Variants in NALF1 observed in about 807,000 individuals in gnomAD.
The protein encoded by NALF1 is family with sequence similarity 155 member A.
In NALF1, 3 loss-of-function variants were observed where a neutral mutation model predicts 48.4. The ratio of observed to expected loss-of-function variants is 0.06; its 90% CI spans 0.03 to 0.16. The LOEUF (loss-of-function observed/expected upper bound fraction) is 0.16, where lower values mean the gene tolerates loss of function less well. Ranked by LOEUF, NALF1 falls within the 10% of genes least tolerant of loss-of-function variation. The pLI is 1.00. For missense variants in NALF1, 526 were observed against 571.5 expected (o/e 0.92, Z 0.81); for synonymous variants, 262 against 245.7 (o/e 1.07, Z -0.62).
At chr13:107,725,432 G>A (rs1320033413) in intron 1 of NALF1, among the ~76,000 whole-genome samples, 1 of 152,242 alleles carries the variant, frequency 6.6e-6, no homozygotes. Context: ...GTAGGGCTGG[G>A]CGCAGTGGCT....
At chr13:107,703,957 T>C (rs576271805) in intron 1 of NALF1, among the ~76,000 whole-genome samples, 2 of 151,964 alleles carry the variant, frequency 1.3e-5, no homozygotes, top group Non-Finnish European at 2.9e-5. Context: ...GTTTTGGTTC[T>C]TTTTTTCCTC....
Position 107,745,667 on chromosome 13 carries a change from G to A in NALF1, c.915+120015C>T, listed in dbSNP as rs187197061. Among the ~76,000 whole-genome samples the A allele has an allele frequency of 1.3e-4, 20 of 152,248 alleles. No individual in the cohort carries two copies. The East Asian group carries it at 3.9e-3, about 30-fold the overall frequency. ...ATTGTTTATTACTGCCAGCAAGGCA[G>A]AGCAATACCATAGATCCAGGGTGAT... On this transcript the variant is annotated intron_variant, in intron 1 of 2. Transcript: ENST00000375915.
At chr13:107,407,974 A>T (rs1267570133) in intron 1 of NALF1, among the ~76,000 whole-genome samples, 1 of 152,124 alleles carries the variant, frequency 6.6e-6, no homozygotes, top group Non-Finnish European at 1.5e-5. Flanking sequence ...ACTGGATGAC[A>T]TTAAGTTAAA....
intron 1 of NALF1, among the ~76,000 whole-genome samples, chr13:107,726,462 C>T (rs1430385563): frequency 1.3e-5 from 2 of 152,052 alleles, no homozygotes; most frequent in African/African-American, 4.8e-5. Flanking sequence ...ACACTAGATA[C>T]ATGATACTAA....
rs1880747380 is a variant in NALF1 at position 107,866,754 on chromosome 13, T to C, written c.-158A>G. The C allele has an allele frequency of 1.6e-6, 1 of 612,902 alleles. No homozygotes were observed. Among genetic ancestry groups the C allele is most frequent in the Non-Finnish European group, 2.9e-6 (1 of 350,662 alleles). 38.0% of individuals were successfully genotyped at this position (612,902 alleles called of 1,614,324 possible). ...TTCTCTCTCTTCCCCTCTCCCTCTCTCCTCTCTCTCTCTCTCCCTCTCCCT... is the reference window on the plus strand; with the variant it reads ...TTCTCTCTCTTCCCCTCTCCCTCTCCCCTCTCTCTCTCTCTCCCTCTCCCT... On this transcript the variant is annotated 5_prime_UTR_variant, in exon 1 of 3. Coordinates refer to ENST00000375915, the MANE Select transcript of NALF1 (RefSeq NM_001080396.3). This position sits in a 1 kb window ranked among gnomAD's most constrained non-coding sequence, Gnocchi z 4.4.
intron 1 of NALF1, among the ~76,000 whole-genome samples, chr13:107,573,630 G>GT (rs929101800): frequency 2.0e-5 from 3 of 152,074 alleles, no homozygotes; most frequent in African/African-American, 7.2e-5. Context: ...ATTTGGTTGT[G>GT]TCCCCACCCA....
At chr13:107,602,724 G>A (rs920673661) in intron 1 of NALF1, among the ~76,000 whole-genome samples, 2 of 152,028 alleles carry the variant, frequency 1.3e-5, no homozygotes, top group South Asian at 2.1e-4. Context: ...ATTCCTTCGC[G>A]TCTAACCCTG....
intron 1 of NALF1, among the ~76,000 whole-genome samples, chr13:107,278,400 T>C (rs1236539746): frequency 6.6e-6 from 1 of 152,228 alleles, no homozygotes; most frequent in African/African-American, 2.4e-5. Context: ...AAGAAGATAA[T>C]GTAAGGCATC....
intron 1 of NALF1, among the ~76,000 whole-genome samples, chr13:107,348,308 C>T (rs1030234028): frequency 1.3e-5 from 2 of 152,190 alleles, no homozygotes; most frequent in East Asian, 3.9e-4. Context: ...TTTAAAGAAA[C>T]ATTTCATTTG....
intron 1 of NALF1, among the ~76,000 whole-genome samples, chr13:107,822,232 T>C (rs1594293279): frequency 6.6e-6 from 1 of 152,208 alleles, no homozygotes; most frequent in African/African-American, 2.4e-5. Flanking sequence ...TTGACTTCCA[T>C]TCCTTTTTAA....
chr13:107,213,990 G>T (rs1212528306), intron 1 of NALF1, among the ~76,000 whole-genome samples: 1 of 152,180 alleles, frequency 6.6e-6, no homozygotes, highest in Non-Finnish European at 1.5e-5. Context: ...CAAACAGGTA[G>T]CTACCAGCGT....
rs187504508 is a variant in NALF1, at chr13:107,699,712, A to C, written c.915+165970T>G. Among the ~76,000 whole-genome samples the C allele has an allele frequency of 1.3e-3, 205 of 152,280 alleles. 1 individual carries two copies. Among genetic ancestry groups the C allele is most frequent in the Middle Eastern group, 0.01 (3 of 294 alleles). On this transcript the variant is annotated intron_variant, in intron 1 of 2. Transcript: ENST00000375915. The stretch of plus-strand genomic sequence containing the variant: ...AGCAATAAAAGGCATCCAAATCAGA[A>C]AGGAACAAGTAAAATTATCTGTATT...
intron 1 of NALF1, among the ~76,000 whole-genome samples, chr13:107,292,726 T>A (rs192623495): frequency 6.6e-6 from 1 of 152,182 alleles, no homozygotes; most frequent in Non-Finnish European, 1.5e-5. Flanking sequence ...AGTTAAAATG[T>A]TTTTAAATAA....
chr13:107,385,215 CTT>C (rs1883506899), intron 1 of NALF1, among the ~76,000 whole-genome samples: 1 of 152,126 alleles, frequency 6.6e-6, no homozygotes, highest in Admixed American at 6.5e-5. Flanking sequence ...TCCTTTGGTT[CTT>C]TTTCTTTTTC....
At chr13:107,614,848 G>T (rs1431177670) in intron 1 of NALF1, among the ~76,000 whole-genome samples, 1 of 148,316 alleles carries the variant, frequency 6.7e-6, no homozygotes, top group Non-Finnish European at 1.5e-5. Flanking sequence ...TGCAATCTTT[G>T]CTCACTGAAA....
At chr13:107,181,281 C>A (rs140094335) in intron 2 of NALF1, among the ~76,000 whole-genome samples, 35 of 151,464 alleles carry the variant, frequency 2.3e-4, no homozygotes, top group Admixed American at 1.7e-3. Flanking sequence ...GAATTGAATG[C>A]CACTTTACTC....
intron 1 of NALF1, among the ~76,000 whole-genome samples, chr13:107,777,828 T>C (rs1233510982): frequency 6.6e-6 from 1 of 152,228 alleles, no homozygotes; most frequent in Non-Finnish European, 1.5e-5. Flanking sequence ...AAGTGGCAGT[T>C]ATTGAAACTT....
intron 1 of NALF1, among the ~76,000 whole-genome samples, chr13:107,674,901 G>A (rs1042233812): frequency 1.3e-5 from 2 of 152,106 alleles, no homozygotes; most frequent in Non-Finnish European, 2.9e-5. Flanking sequence ...CGACTCAAAG[G>A]TCAGATTCTG....
rs146601119 is a variant in NALF1 at position 107,622,148 on chromosome 13, G to A, written c.915+243534C>T. On this transcript the variant is annotated intron_variant, in intron 1 of 2. Coordinates refer to ENST00000375915, the MANE Select transcript of NALF1 (RefSeq NM_001080396.3). ...CAAAACAGTTTTTCTAAGAATCATG[G>A]CTGGGTACGGTGGCTCATGCCTGTA... 3.9e-4 allele frequency among the ~76,000 whole-genome samples: 60 copies of A among 151,968 alleles called. No homozygotes were observed. In the East Asian group the frequency reaches 0.011, roughly 28 times the overall value.
Sources: allele counts gnomAD v4.1 joint callset (sites outside exome capture counted in the v4.1 genomes callset), GRCh38; gene constraint gnomAD v4.1.1; non-coding constraint Gnocchi (gnomAD v3.1); transcripts MANE v1.5; gene names NCBI Gene and HGNC (gene_info 2026-07-23, HGNC 2026-07-21).